Variants in ELMO1 observed in about 807,000 individuals in gnomAD.
ELMO1 encodes engulfment and cell motility 1.
In ELMO1, 26 loss-of-function variants were observed where a neutral mutation model predicts 98.9. That is an observed-to-expected ratio of 0.26 (90% CI 0.19 to 0.36). ELMO1 has a LOEUF of 0.36. Ranked by LOEUF, ELMO1 falls within the 10% of genes least tolerant of loss-of-function variation. The probability of loss-of-function intolerance (pLI) is 1.00; values close to 1 mark genes in which losing one functional copy is unlikely to be tolerated. For synonymous variants in ELMO1, 346 were observed against 346.0 expected (o/e 1.00, Z 0.00); for missense variants, 627 against 935.2 (o/e 0.67, Z 4.30).
chr7:37,349,146 G>GA (rs1801144415), intron 1 of ELMO1, among the ~76,000 whole-genome samples: 1 of 152,214 alleles, frequency 6.6e-6, no homozygotes, highest in Non-Finnish European at 1.5e-5. Context: ...AACAGCTGGA[G>GA]AAACGATCTG....
chr7:37,163,891 T>G (rs1174765222), intron 13 of ELMO1, among the ~76,000 whole-genome samples: 2 of 152,246 alleles, frequency 1.3e-5, no homozygotes, highest in Non-Finnish European at 2.9e-5. Flanking sequence ...TTTCTAGTTC[T>G]AGATCCCTGA....
At chr7:37,403,568 G>A (rs1357044904) in intron 1 of ELMO1, among the ~76,000 whole-genome samples, 2 of 88,852 alleles carry the variant, frequency 2.3e-5, no homozygotes, top group African/African-American at 8.5e-5. Flanking sequence ...CTTTAAGACA[G>A]GGGTCTCACT....
intron 1 of ELMO1, among the ~76,000 whole-genome samples, chr7:37,368,091 A>T (rs887001809): frequency 1.3e-5 from 2 of 152,232 alleles, no homozygotes; most frequent in Non-Finnish European, 2.9e-5. Flanking sequence ...ACTGTGAGCC[A>T]TCAAACTTTT....
intron 19 of ELMO1, among the ~76,000 whole-genome samples, chr7:36,872,076 C>T (rs1803557393): frequency 6.6e-6 from 1 of 152,216 alleles, no homozygotes; most frequent in Non-Finnish European, 1.5e-5. Context: ...CAGAAAACTA[C>T]ACTTCCCAGC....
intron 15 of ELMO1, among the ~76,000 whole-genome samples, chr7:37,050,161 C>T (rs868155362): frequency 1.3e-5 from 2 of 152,098 alleles, no homozygotes; most frequent in African/African-American, 4.8e-5. Context: ...TCACTGCAAA[C>T]TCCGCCTCCC....
intron 1 of ELMO1, among the ~76,000 whole-genome samples, chr7:37,382,672 C>T (rs1017019850): frequency 2.6e-5 from 4 of 152,132 alleles, no homozygotes; most frequent in African/African-American, 4.8e-5. Flanking sequence ...GTATTCCCCA[C>T]GTATTTACTT....
At chr7:37,151,299 G>A (rs1032433416) in intron 13 of ELMO1, among the ~76,000 whole-genome samples, 1 of 152,134 alleles carries the variant, frequency 6.6e-6, no homozygotes, top group Admixed American at 6.6e-5. Context: ...AATCCTTGAA[G>A]CCTACACCTC....
intron 1 of ELMO1, among the ~76,000 whole-genome samples, chr7:37,433,450 C>T (rs560172168): frequency 6.6e-6 from 1 of 152,298 alleles, no homozygotes; most frequent in South Asian, 2.1e-4. Flanking sequence ...TGACCATCCA[C>T]ACATATCATA....
At chr7:37,403,255 A>G (rs1208692526) in intron 1 of ELMO1, among the ~76,000 whole-genome samples, 1 of 152,176 alleles carries the variant, frequency 6.6e-6, no homozygotes, top group Non-Finnish European at 1.5e-5. Flanking sequence ...AACTATAAAG[A>G]CAGTCAACAG....
intron 14 of ELMO1, among the ~76,000 whole-genome samples, chr7:37,104,920 T>C (rs1291408496): frequency 6.7e-6 from 1 of 149,788 alleles, no homozygotes; most frequent in Non-Finnish European, 1.5e-5. Flanking sequence ...ATGAGAGGAA[T>C]GGTATAAAAC....
intron 15 of ELMO1, among the ~76,000 whole-genome samples, chr7:37,088,638 A>G (rs1584625429): frequency 6.6e-6 from 1 of 152,218 alleles, no homozygotes; most frequent in Non-Finnish European, 1.5e-5. Flanking sequence ...CCATCATGGC[A>G]AAAGTCCTCG....
intron 16 of ELMO1, among the ~76,000 whole-genome samples, chr7:36,952,427 G>C (rs760861233): frequency 6.6e-6 from 1 of 152,072 alleles, no homozygotes; most frequent in African/African-American, 2.4e-5. Context: ...GCGGGGAGAC[G>C]AGCACAGTGA....
intron 5 of ELMO1, chr7:37,269,636 G>A (rs1291414949): frequency 6.6e-6 from 1 of 152,036 alleles, no homozygotes; most frequent in Non-Finnish European, 1.5e-5. Context: ...GTAGAGACGG[G>A]GTTTACACCG....
intron 19 of ELMO1, among the ~76,000 whole-genome samples, chr7:36,872,526 T>A (rs1803613479): frequency 6.6e-6 from 1 of 152,202 alleles, no homozygotes. Flanking sequence ...TCAGACCCCT[T>A]TTCTGCCTCT....
Position 37,166,422 on chromosome 7 carries a change from G to C in ELMO1, c.1087-33188C>G, listed in dbSNP as rs549442572. On this transcript the variant is annotated intron_variant, in intron 13 of 21. Transcript: ENST00000310758. ...TCTTGCTTTTCTAGTTCTTTTAATT[G>C]TGATGTTAGGGTGTCAATTTTGGAT... Among the ~76,000 whole-genome samples, 380 of 152,072 alleles carry C rather than the reference G, an allele frequency of 2.5e-3. 1 individual carries two copies. Among genetic ancestry groups the C allele is most frequent in the Non-Finnish European group, 4.2e-3 (285 of 67,978 alleles).
intron 13 of ELMO1, among the ~76,000 whole-genome samples, chr7:37,191,081 C>T (rs972235907): frequency 1.7e-4 from 26 of 148,934 alleles, no homozygotes; most frequent in African/African-American, 6.2e-4. Flanking sequence ...CCCAGCTACT[C>T]AGGAGGCTGA....
intron 4 of ELMO1, among the ~76,000 whole-genome samples, chr7:37,313,988 G>A (rs1281529993): frequency 1.3e-5 from 2 of 152,142 alleles, no homozygotes; most frequent in African/African-American, 4.8e-5. Flanking sequence ...GACAAAACTG[G>A]CTCATATGCA....
At chr7:37,246,928 C>T (rs1482529824) in intron 6 of ELMO1, among the ~76,000 whole-genome samples, 3 of 151,942 alleles carry the variant, frequency 2.0e-5, no homozygotes, top group Admixed American at 2.0e-4. Flanking sequence ...AATTGACTTC[C>T]TTTCCACTGG....
chr7:37,090,003 G>A (rs951527766), intron 15 of ELMO1, among the ~76,000 whole-genome samples: 2 of 152,172 alleles, frequency 1.3e-5, no homozygotes, highest in Non-Finnish European at 2.9e-5. Flanking sequence ...GAGAGAAAGT[G>A]TGCTGAAAGT....
Sources: gnomAD v4.1 joint callset for allele counts (sites outside exome capture counted in the v4.1 genomes callset) on GRCh38, gnomAD v4.1.1 for gene constraint, MANE v1.5 for transcripts, NCBI Gene and HGNC (gene_info 2026-07-23, HGNC 2026-07-21) for gene names.